ARHGAP8: variants seen among roughly 807,000 people sequenced by gnomAD.
The protein encoded by ARHGAP8 is rho GTPase-activating protein 8.
ARHGAP8 carries 62 observed loss-of-function variants against 46.1 expected under a neutral mutation model. That is an observed-to-expected ratio of 1.34 (90% CI 1.10 to 1.66). The LOEUF (loss-of-function observed/expected upper bound fraction) is 1.66. Among genes scored for constraint, ARHGAP8 ranks in the 40% most tolerant of loss-of-function variants. ARHGAP8 has a pLI of 0.00. For missense variants in ARHGAP8, 923 were observed against 568.4 expected (o/e 1.62, Z -6.34); for synonymous variants, 375 against 243.1 (o/e 1.54, Z -5.05).
intron 2 of ARHGAP8, among the ~76,000 whole-genome samples, chr22:44,791,811 C>T (rs938986253): frequency 2.0e-5 from 3 of 152,138 alleles, no homozygotes; most frequent in Non-Finnish European, 4.4e-5. Flanking sequence ...CCTTAACCAG[C>T]AGTCATCAGG....
At chr22:44,767,338 CT>C (rs1925651591) in intron 1 of ARHGAP8, among the ~76,000 whole-genome samples, 1 of 151,850 alleles carries the variant, frequency 6.6e-6, no homozygotes, top group Admixed American at 6.6e-5. Context: ...CTTTCTCCCC[CT>C]CTCTCTCTCT....
At position 44,768,897 on chromosome 22, in the gene ARHGAP8, C is replaced by T. The variant is rs1400567647; in HGVS notation, c.-72+16270C>T. Among the ~76,000 whole-genome samples the T allele has an allele frequency of 8.6e-5, 13 of 150,690 alleles. 1 individual carries two copies. The highest frequency in any genetic ancestry group is 5.3e-4 in the Admixed American group (8 of 15,120). On this transcript the variant is annotated intron_variant, in intron 1 of 11. Coordinates refer to ENST00000356099, the MANE Select transcript of ARHGAP8 (RefSeq NM_181335.3). ...TTGCCCAGGCTGGAGTGCAATGGCG[C>T]GATCTCGGCTCACCGCAACCCGCTT...
chr22:44,786,174 G>T, intron 1 of ARHGAP8: 1 of 542,108 alleles, frequency 1.8e-6, no homozygotes, highest in Non-Finnish European at 3.3e-6. Flanking sequence ...AGTGCATAAT[G>T]GGTGCTCGGC....
At chr22:44,787,921 T>C (rs1439272239) in intron 2 of ARHGAP8, among the ~76,000 whole-genome samples, 1 of 123,920 alleles carries the variant, frequency 8.1e-6, no homozygotes, top group Non-Finnish European at 1.6e-5. Context: ...CAAATGTCCT[T>C]TTTTTTTTTT....
At chr22:44,805,628 A>G (rs1490150309) in intron 3 of ARHGAP8, among the ~76,000 whole-genome samples, 1 of 152,220 alleles carries the variant, frequency 6.6e-6, no homozygotes, top group Non-Finnish European at 1.5e-5. Flanking sequence ...AGAAGCTACC[A>G]TCACCTGGTG....
intron 7 of ARHGAP8, among the ~76,000 whole-genome samples, chr22:44,830,939 T>C (rs1218428212): frequency 6.6e-6 from 1 of 152,252 alleles, no homozygotes; most frequent in African/African-American, 2.4e-5. Context: ...TGAGCATCTT[T>C]TCATGTATTA....
At chr22:44,779,099 T>TCTTC in intron 1 of ARHGAP8, among the ~76,000 whole-genome samples, 1 of 110,254 alleles carries the variant, frequency 9.1e-6, no homozygotes, top group South Asian at 2.5e-4. Context: ...GTCTCTGACT[T>TCTTC]TTTTTTTTTT....
chr22:44,782,910 C>G (rs537821106), intron 1 of ARHGAP8, among the ~76,000 whole-genome samples: 42 of 152,274 alleles, frequency 2.8e-4, no homozygotes, highest in African/African-American at 8.7e-4. Flanking sequence ...TTCCACGGCA[C>G]GCTTTAGCAC....
chr22:44,817,245 G>A (rs1929819201), intron 5 of ARHGAP8, among the ~76,000 whole-genome samples: 1 of 152,222 alleles, frequency 6.6e-6, no homozygotes, highest in Non-Finnish European at 1.5e-5. Context: ...GTGGTCCTGA[G>A]GCACACTGGG....
chr22:44,801,877 G>T (rs1928579380), intron 2 of ARHGAP8, 200 bp from the exon 3 acceptor site: 4 of 602,474 alleles, frequency 6.6e-6, no homozygotes. Flanking sequence ...GCGTACGGCT[G>T]GTCATGAAGA....
At chr22:44,832,639 C>G (rs777245954) in intron 7 of ARHGAP8, among the ~76,000 whole-genome samples, 4 of 151,996 alleles carry the variant, frequency 2.6e-5, no homozygotes, top group Admixed American at 2.6e-4. Flanking sequence ...TTTATTAGTT[C>G]TAATATTTTT....
At chr22:44,831,947 C>G (rs5766074) in intron 7 of ARHGAP8, among the ~76,000 whole-genome samples, 18,465 of 152,058 alleles carry the variant, frequency 0.12, 1,410 homozygotes, top group East Asian at 0.27. Context: ...TTCTGCATCT[C>G]TTTAATTTCC....
chr22:44,801,655 G>A (rs1928560864), intron 2 of ARHGAP8, among the ~76,000 whole-genome samples: 1 of 152,228 alleles, frequency 6.6e-6, no homozygotes, highest in Non-Finnish European at 1.5e-5. Context: ...ATGCCCAGGA[G>A]CCATTGTCCC....
chr22:44,816,697 C>T (rs1003943875), intron 5 of ARHGAP8, among the ~76,000 whole-genome samples: 16 of 150,888 alleles, frequency 1.1e-4, no homozygotes, highest in African/African-American at 2.2e-4. Context: ...CCCAGCTACA[C>T]GGGAGGCCAA....
chr22:44,849,498 G>A lies in ARHGAP8; in HGVS notation c.877+438G>A, dbSNP rs570893597. The A allele has an allele frequency of 1.1e-4, 22 of 196,496 alleles. No individual in the cohort carries two copies. The Admixed American group carries it at 1.2e-3, about 10-fold the overall frequency. The allele number at this position is 196,496 out of a possible 1,614,324, so 12.2% of individuals were successfully genotyped here. Reference sequence around the variant, plus strand: ...ATATCACAGGAACTGAGCAGCTATAGTGTCTGATCCTACAGGCGCTTTGTG... The same window carrying A: ...ATATCACAGGAACTGAGCAGCTATAATGTCTGATCCTACAGGCGCTTTGTG... On this transcript the variant is annotated intron_variant, in intron 10 of 11. Coordinates refer to ENST00000356099, the MANE Select transcript of ARHGAP8 (RefSeq NM_181335.3).
chr22:44,827,912 C>T (rs1018819058), intron 7 of ARHGAP8, among the ~76,000 whole-genome samples: 3 of 152,136 alleles, frequency 2.0e-5, no homozygotes, highest in African/African-American at 7.2e-5. Context: ...CCTAGACCAG[C>T]ATTATCTGAT....
intron 11 of ARHGAP8, among the ~76,000 whole-genome samples, chr22:44,861,160 T>C (rs2070462554): frequency 6.6e-6 from 1 of 152,024 alleles, no homozygotes; most frequent in Non-Finnish European, 1.5e-5. Flanking sequence ...TTAGTAGAGA[T>C]GGGGTTTCGT....
intron 1 of ARHGAP8, among the ~76,000 whole-genome samples, chr22:44,753,986 G>C (rs1022130153): frequency 1.3e-5 from 2 of 152,198 alleles, no homozygotes; most frequent in African/African-American, 2.4e-5. Context: ...TCGATTCACT[G>C]ACTAACCATT....
intron 1 of ARHGAP8, 115 bp from the exon 2 acceptor site, chr22:44,786,342 C>T (rs1927232083): frequency 1.3e-5 from 18 of 1,383,034 alleles, no homozygotes; most frequent in Admixed American, 4.6e-5. Flanking sequence ...AGGTAGGGCG[C>T]GTAGTGGGTG....
Sources: allele counts gnomAD v4.1 joint callset (sites outside exome capture counted in the v4.1 genomes callset), GRCh38; gene constraint gnomAD v4.1.1; transcripts MANE v1.5; gene names NCBI Gene and HGNC (gene_info 2026-07-23, HGNC 2026-07-21).